KCNMA1: variants seen among roughly 807,000 people sequenced by gnomAD.
KCNMA1 encodes the protein Calcium-activated potassium channel subunit alpha-1.
KCNMA1 carries 29 observed loss-of-function variants against 140.0 expected under a neutral mutation model. That is an observed-to-expected ratio of 0.21 (90% CI 0.15 to 0.28). The LOEUF (loss-of-function observed/expected upper bound fraction) is 0.28. Among genes scored for constraint, KCNMA1 ranks in the 10% least tolerant of loss-of-function variants. KCNMA1 has a pLI of 1.00. For synonymous variants in KCNMA1, 612 were observed against 611.9 expected, an observed-to-expected ratio of 1.00 and a Z score of 0.00; for missense variants, 880 against 1,602.2, an observed-to-expected ratio of 0.55 and a Z score of 7.70.
intron 2 of KCNMA1, among the ~76,000 whole-genome samples, chr10:77,345,232 C>T (rs1816673440): frequency 6.6e-6 from 1 of 152,194 alleles, no homozygotes; most frequent in Non-Finnish European, 1.5e-5. Flanking sequence ...TCACTGGACC[C>T]TCTATGTATC....
At chr10:77,000,973 C>T (rs1437702886) in intron 19 of KCNMA1, among the ~76,000 whole-genome samples, 1 of 148,608 alleles carries the variant, frequency 6.7e-6, no homozygotes, top group Non-Finnish European at 1.5e-5. Flanking sequence ...AAAAGCAATT[C>T]AATGCTAGAG....
chr10:77,370,807 A>G (rs565455645), intron 2 of KCNMA1, among the ~76,000 whole-genome samples: 48 of 152,300 alleles, frequency 3.2e-4, no homozygotes, highest in African/African-American at 1.2e-3. Context: ...CCAGCCTTGC[A>G]TTGACCAACT....
intron 1 of KCNMA1, among the ~76,000 whole-genome samples, chr10:77,487,854 T>C (rs2098479179): frequency 6.6e-6 from 1 of 152,110 alleles, no homozygotes. Flanking sequence ...AAATGCAAAG[T>C]TGTCCCTACC....
chr10:77,573,369 A>G (rs2072463002), intron 1 of KCNMA1, among the ~76,000 whole-genome samples: 1 of 152,142 alleles, frequency 6.6e-6, no homozygotes, highest in Non-Finnish European at 1.5e-5. Flanking sequence ...TGACCCAGGA[A>G]GACTCTTAAC....
intron 23 of KCNMA1, among the ~76,000 whole-genome samples, chr10:76,925,640 GT>G (rs1425220388): frequency 2.0e-5 from 3 of 152,042 alleles, no homozygotes; most frequent in African/African-American, 7.2e-5. Context: ...ATTATAAACA[GT>G]TTCTTTATGT....
chr10:76,956,462 G>A (rs995646337), intron 20 of KCNMA1, among the ~76,000 whole-genome samples: 5 of 152,080 alleles, frequency 3.3e-5, no homozygotes, highest in African/African-American at 1.2e-4. Context: ...TCCCCCAAGA[G>A]ACTGACCTGA....
intron 1 of KCNMA1, among the ~76,000 whole-genome samples, chr10:77,489,673 T>C (rs1293788588): frequency 1.3e-5 from 2 of 152,234 alleles, no homozygotes; most frequent in Non-Finnish European, 2.9e-5. Flanking sequence ...GAATCTACCA[T>C]CCTTACTCTA....
chr10:77,636,125 C>T, intron 1 of KCNMA1: 6 of 1,041,294 alleles, frequency 5.8e-6, no homozygotes, highest in Non-Finnish European at 7.9e-6. Context: ...GATTTCCCTT[C>T]CCTCCAAAAC....
At chr10:77,500,464 A>G (rs2043468973) in intron 1 of KCNMA1, among the ~76,000 whole-genome samples, 1 of 152,180 alleles carries the variant, frequency 6.6e-6, no homozygotes, top group Admixed American at 6.5e-5. Context: ...CCAGGGCAAT[A>G]TAGTGAGACA....
In KCNMA1 at chr10:77,236,291, C is replaced by T. The variant is rs146733696; in HGVS notation, c.602+14904G>A. On this transcript the variant is annotated intron_variant, in intron 3 of 27. Transcript: ENST00000286628. ...CCAGACTCTGGCCTATGTACTTTGT[C>T]CTTTGGTTGATTTTAATCTGTATCT... Among the ~76,000 whole-genome samples the T allele has an allele frequency of 1.2e-3, 183 of 152,272 alleles. 2 individuals are homozygous for T. Among genetic ancestry groups the T allele is most frequent in the African/African-American group, 4.1e-3 (171 of 41,556 alleles).
At chr10:77,492,752 A>T (rs561810271) in intron 1 of KCNMA1, among the ~76,000 whole-genome samples, 10 of 152,276 alleles carry the variant, frequency 6.6e-5, no homozygotes, top group Admixed American at 2.0e-4. Flanking sequence ...TGCTTATATG[A>T]TCCCTTTACA....
At chr10:77,486,002 T>C (rs1567102863) in intron 1 of KCNMA1, among the ~76,000 whole-genome samples, 1 of 152,114 alleles carries the variant, frequency 6.6e-6, no homozygotes. Context: ...TGACCTCTGC[T>C]GTAAGGTATC....
intron 2 of KCNMA1, chr10:77,350,887 G>A (rs1365219332): frequency 1.3e-5 from 2 of 152,230 alleles, no homozygotes; most frequent in African/African-American, 4.8e-5. Context: ...TGACTCAGTG[G>A]TTGACTCAAA....
intron 14 of KCNMA1, among the ~76,000 whole-genome samples, chr10:77,063,230 T>C (rs4980126): frequency 0.2 from 30,181 of 152,004 alleles, 3,311 homozygotes; most frequent in Middle Eastern, 0.28. Context: ...CTGGGCAACA[T>C]GGTGAAACCC....
chr10:77,097,722 G>T (rs1408434473), intron 9 of KCNMA1, among the ~76,000 whole-genome samples: 3 of 152,134 alleles, frequency 2.0e-5, no homozygotes, highest in African/African-American at 7.2e-5. Context: ...AAAAAAGGAG[G>T]TTCAGCAATA....
intron 1 of KCNMA1, among the ~76,000 whole-genome samples, chr10:77,423,648 C>T (rs2096915541): frequency 6.6e-6 from 1 of 152,148 alleles, no homozygotes; most frequent in Non-Finnish European, 1.5e-5. Flanking sequence ...AAGTGAATGC[C>T]TTCTCTGCCT....
At chr10:77,634,600 T>C in intron 1 of KCNMA1, 3 of 985,282 alleles carry the variant, frequency 3.0e-6, no homozygotes, top group Non-Finnish European at 3.6e-6. Flanking sequence ...ATCTTGGGGC[T>C]GAAGGAGGGT....
chr10:77,117,539 C>CAAA lies in KCNMA1; in HGVS notation c.884+3431_884+3433dup, dbSNP rs56926398. Among the ~76,000 whole-genome samples the CAAA allele has an allele frequency of 8.9e-3, 200 of 22,506 alleles. 20 individuals carry two copies. Among genetic ancestry groups the CAAA allele is most frequent in the Non-Finnish European group, 0.012 (153 of 12,250 alleles). 14.8% of individuals were successfully genotyped at this position (22,506 alleles called of 152,430 possible). ...TGGACAACAGAGCAAGAGTCTATCT[C>CAAA]AAAAAAAAAAAAAAAAAAAAAAAAA... On this transcript the variant is annotated intron_variant, in intron 6 of 27. Coordinates refer to ENST00000286628, the MANE Select transcript of KCNMA1 (RefSeq NM_001161352.2).
At chr10:77,074,064 A>G (rs779888049) in intron 13 of KCNMA1, among the ~76,000 whole-genome samples, 15 of 152,248 alleles carry the variant, frequency 9.9e-5, no homozygotes, top group South Asian at 2.1e-4. Context: ...AATCGGCAAA[A>G]GACCAAACTA....
Sources: allele counts gnomAD v4.1 joint callset (sites outside exome capture counted in the v4.1 genomes callset), GRCh38; gene constraint gnomAD v4.1.1; transcripts MANE v1.5; gene names NCBI Gene and HGNC (gene_info 2026-07-23, HGNC 2026-07-21).